The following ACAP2 variants were observed in gnomAD, a reference collection of about 807,000 sequenced individuals.
ACAP2 encodes ArfGAP with coiled-coil, ankyrin repeat and PH domains 2.
Under a neutral mutation model 115.8 loss-of-function variants are expected in ACAP2, and 39 were observed. That is an observed-to-expected ratio of 0.34 (90% CI 0.26 to 0.44). The LOEUF is 0.44. Ranked by LOEUF, ACAP2 falls within the 20% of genes least tolerant of loss-of-function variation. The pLI is 1.00. For synonymous variants in ACAP2, 289 were observed against 315.8 expected, an observed-to-expected ratio of 0.92 and a Z score of 0.90; for missense variants, 662 against 927.6, an observed-to-expected ratio of 0.71 and a Z score of 3.72.
intron 6 of ACAP2, among the ~76,000 whole-genome samples, chr3:195,340,809 T>C (rs1489022658): frequency 2.0e-5 from 3 of 152,126 alleles, no homozygotes; most frequent in Non-Finnish European, 2.9e-5. Flanking sequence ...AATGGTATAA[T>C]GTGAGGTAGG....
chr3:195,412,971 G>C, intron 1 of ACAP2: 1 of 438,232 alleles, frequency 2.3e-6, no homozygotes, highest in Non-Finnish European at 4.6e-6. Context: ...TACATGTAAG[G>C]TATTACAAGT....
intron 4 of ACAP2, among the ~76,000 whole-genome samples, chr3:195,370,737 A>C (rs1035248180): frequency 1.3e-5 from 2 of 152,128 alleles, no homozygotes; most frequent in Non-Finnish European, 2.9e-5. Context: ...ATCACTTGAC[A>C]TCAGGAGTTC....
intron 1 of ACAP2, among the ~76,000 whole-genome samples, chr3:195,422,219 CT>C (rs1222601080): frequency 2.0e-5 from 3 of 152,078 alleles, no homozygotes; most frequent in African/African-American, 7.2e-5. Flanking sequence ...ACTCCTGTCC[CT>C]TTTTTTAACT....
chr3:195,372,184 T>C (rs1393820538), intron 4 of ACAP2, among the ~76,000 whole-genome samples: 1 of 152,142 alleles, frequency 6.6e-6, no homozygotes, highest in Non-Finnish European at 1.5e-5. Flanking sequence ...ATTGCAGAAC[T>C]GTAAACGTAC....
intron 4 of ACAP2, among the ~76,000 whole-genome samples, chr3:195,363,617 C>T (rs1732514936): frequency 7.2e-6 from 1 of 138,798 alleles, no homozygotes; most frequent in South Asian, 2.5e-4. Context: ...TTATATGAAA[C>T]CACATACACA....
rs143295502 is a variant in ACAP2 at position 195,292,416 on chromosome 3, G to C, written c.1802C>G (p.Ser601Trp). 2 of 1,611,054 alleles carry C rather than the reference G, an allele frequency of 1.2e-6. No individual in the cohort carries two copies. Among genetic ancestry groups the C allele is most frequent in the Non-Finnish European group, 1.7e-6 (2 of 1,179,304 alleles). ...ERQDSSMFLD[S>W]KHLNPGLQLY... ...CTGAAGTCCTGGATTAAGATGTTTC[G>C]AGTCAAGAAACATAGAAGAATCTTG... Residue 601 changes from serine (S) to tryptophan (W), a missense_variant, in exon 19 of 23, where the codon TCG (serine) becomes TGG (tryptophan). Coordinates refer to ENST00000326793, the MANE Select transcript of ACAP2 (RefSeq NM_012287.6).
chr3:195,329,927 C>T (rs1730055496), intron 8 of ACAP2, among the ~76,000 whole-genome samples: 1 of 152,098 alleles, frequency 6.6e-6, no homozygotes, highest in Admixed American at 6.5e-5. Flanking sequence ...GTCAGCTTCT[C>T]TTTTTACTCA....
chr3:195,298,640 T>C (rs1253032931), intron 15 of ACAP2, among the ~76,000 whole-genome samples: 1 of 150,748 alleles, frequency 6.6e-6, no homozygotes, highest in Non-Finnish European at 1.5e-5. Context: ...ATTTATTCCT[T>C]TTTTTTTTGA....
At chr3:195,290,837 TAAATAAATAAATAATA>T (rs200685950) in intron 20 of ACAP2, among the ~76,000 whole-genome samples, 3,019 of 132,256 alleles carry the variant, frequency 0.023, 97 homozygotes, top group East Asian at 0.1. Flanking sequence ...AATAAATAAA[TAAATAAATAAATAATA>T]AATAAATAAA....
At chr3:195,355,917 A>T (rs1477628119) in intron 4 of ACAP2, among the ~76,000 whole-genome samples, 1 of 152,236 alleles carries the variant, frequency 6.6e-6, no homozygotes, top group Non-Finnish European at 1.5e-5. Context: ...CAAAAATTAA[A>T]AATAGAAACA....
chr3:195,378,812 G>T (rs1341419947), intron 4 of ACAP2, among the ~76,000 whole-genome samples: 1 of 147,560 alleles, frequency 6.8e-6, no homozygotes, highest in Non-Finnish European at 1.5e-5. Context: ...AGTGAGCCAA[G>T]ATCGCACCAC....
intron 1 of ACAP2, among the ~76,000 whole-genome samples, chr3:195,428,364 TCATA>T (rs1031876638): frequency 2.7e-5 from 4 of 146,906 alleles, no homozygotes; most frequent in African/African-American, 7.6e-5. Context: ...ACACACACAC[TCATA>T]TATATAGGTC....
At chr3:195,323,714 G>A (rs1300627574) in intron 9 of ACAP2, among the ~76,000 whole-genome samples, 2 of 151,990 alleles carry the variant, frequency 1.3e-5, no homozygotes, top group Non-Finnish European at 2.9e-5. Flanking sequence ...AAAACAACTG[G>A]ACTCAGGGAG....
intron 4 of ACAP2, among the ~76,000 whole-genome samples, chr3:195,378,535 C>T (rs948639148): frequency 3.3e-5 from 5 of 150,326 alleles, no homozygotes; most frequent in African/African-American, 1.2e-4. Context: ...CAAAAAAAAT[C>T]TCTATTCCTC....
At chr3:195,329,796 C>T (rs1362886626) in intron 8 of ACAP2, among the ~76,000 whole-genome samples, 1 of 152,132 alleles carries the variant, frequency 6.6e-6, no homozygotes. Flanking sequence ...CTTTGAAAGA[C>T]TTTTCCTGGC....
chr3:195,358,782 G>A (rs1020735691), intron 4 of ACAP2, among the ~76,000 whole-genome samples: 10 of 152,006 alleles, frequency 6.6e-5, no homozygotes, highest in East Asian at 1.9e-4. Context: ...AAGTTTATTC[G>A]AAAGGATAGT....
In ACAP2 at chr3:195,391,126, A is replaced by G. The variant is rs560300116; in HGVS notation, c.111+964T>C. 1.3e-4 allele frequency among the ~76,000 whole-genome samples: 20 copies of G among 152,298 alleles called. No individual in the cohort carries two copies. The South Asian group carries it at 4.1e-3, about 32-fold the overall frequency. The stretch of plus-strand genomic sequence containing the variant: ...TGTATTTACATTTGAACGTGGCCAG[A>G]CCCAAATTTATACAATGGTCAGGTT... On this transcript the variant is annotated intron_variant, in intron 2 of 22. Coordinates refer to ENST00000326793, the MANE Select transcript of ACAP2 (RefSeq NM_012287.6).
At chr3:195,393,713 T>C (rs1711522060) in intron 1 of ACAP2, among the ~76,000 whole-genome samples, 1 of 152,216 alleles carries the variant, frequency 6.6e-6, no homozygotes, top group Non-Finnish European at 1.5e-5. Flanking sequence ...AGAACAAATG[T>C]ATGTGTATGA....
chr3:195,358,452 T>C (rs1302807637), intron 4 of ACAP2, among the ~76,000 whole-genome samples: 1 of 152,074 alleles, frequency 6.6e-6, no homozygotes, highest in Non-Finnish European at 1.5e-5. Context: ...GAATTCAAAA[T>C]AGCTGCTCTG....
Sources: gnomAD v4.1 joint callset for allele counts (sites outside exome capture counted in the v4.1 genomes callset) on GRCh38, gnomAD v4.1.1 for gene constraint, MANE v1.5 for transcripts, NCBI Gene and HGNC (gene_info 2026-07-23, HGNC 2026-07-21) for gene names.